ANXA8L1: variants seen among roughly 807,000 people sequenced by gnomAD.
ANXA8L1 encodes the protein annexin A8-like protein 1.
A neutral mutation model predicts 22.5 loss-of-function variants in ANXA8L1; 10 were observed. The ratio of observed to expected loss-of-function variants is 0.44; its 90% CI spans 0.27 to 0.75. The LOEUF (loss-of-function observed/expected upper bound fraction) is 0.75, where lower values mean the gene tolerates loss of function less well. Among genes scored for constraint, ANXA8L1 ranks in the 30% least tolerant of loss-of-function variants. ANXA8L1 has a pLI of 0.15. For missense variants in ANXA8L1, 88 were observed against 219.6 expected, an observed-to-expected ratio of 0.40 and a Z score of 3.79; for synonymous variants, 36 against 86.0, an observed-to-expected ratio of 0.42 and a Z score of 3.22.
Position 46,375,810 on chromosome 10 carries a change from T to A in ANXA8L1, c.-42T>A. ...GAGTCCCAGCAGAGGCCAACCTGTG[T>A]CTCTTCATCTCCGTGAGAAAGGTGC... On this transcript the variant is annotated 5_prime_UTR_variant, in exon 1 of 12. Transcript: ENST00000619162. 6.2e-7 allele frequency: 1 copy of A among 1,608,856 alleles called. No individual in the cohort carries two copies. Among genetic ancestry groups the A allele is most frequent in the Non-Finnish European group, 8.5e-7 (1 of 1,179,052 alleles).
intron 1 of ANXA8L1, among the ~76,000 whole-genome samples, chr10:46,376,666 A>G (rs75679685): frequency 1.5e-5 from 2 of 131,766 alleles, no homozygotes; most frequent in African/African-American, 2.9e-5. Flanking sequence ...CTTTCTGTCT[A>G]TGGTTGAGCC....
intron 3 of ANXA8L1, chr10:46,381,729 GC>G (rs1839984634): frequency 2.5e-5 from 1 of 39,234 alleles, no homozygotes; most frequent in Non-Finnish European, 4.5e-5. Flanking sequence ...AATTCTAAGA[GC>G]CTGGAGTAAG....
chr10:46,377,914 G>A (rs1476216065), intron 1 of ANXA8L1, among the ~76,000 whole-genome samples: 1 of 113,666 alleles, frequency 8.8e-6, no homozygotes, highest in Non-Finnish European at 1.8e-5. Flanking sequence ...AAATGTGCCT[G>A]TCTGGACTAG....
At position 46,381,321 on chromosome 10, in the gene ANXA8L1, C is replaced by A; in HGVS notation, c.207+81C>A. ...GCCTGGGAGGCAGCTCCATTCTGGA[C>A]GACTTTCCCCTAGAGCCAGCCCACT... On this transcript the variant is annotated intron_variant, in intron 3 of 11. Coordinates refer to ENST00000619162, the MANE Select transcript of ANXA8L1 (RefSeq NM_001098845.3). 3.7e-6 allele frequency: 3 copies of A among 806,112 alleles called. 1 individual carries two copies. The highest frequency in any genetic ancestry group is 5.4e-6 in the Non-Finnish European group (3 of 552,480). 49.9% of individuals were successfully genotyped at this position (806,112 alleles called of 1,614,324 possible).
Position 46,375,796 on chromosome 10 carries a change from G to C in ANXA8L1, c.-56G>C, listed in dbSNP as rs1839920359. 6.2e-7 allele frequency: 1 copy of C among 1,608,836 alleles called. No individual in the cohort carries two copies. The highest frequency in any genetic ancestry group is 1.7e-5 in the Admixed American group (1 of 59,594). ...GAGCCAGACGTGTGGAGTCCCAGCA[G>C]AGGCCAACCTGTGTCTCTTCATCTC... On this transcript the variant is annotated 5_prime_UTR_variant, in exon 1 of 12. Transcript: ENST00000619162.
In ANXA8L1 at chr10:46,384,825, G is replaced by C. The variant is rs1226568471; in HGVS notation, c.544G>C (p.Asp182His). ...TGTGGACCCGGCACTGGCCCTCCAA[G>C]ACGCACAGGTGAGGCTGCGCCCAGC... ...SFVDPALALQDAQDLYAAGEK... is the reference protein window; with the variant it reads ...SFVDPALALQHAQDLYAAGEK... The change falls in exon 7 of 12, where the codon GAC (aspartate) becomes CAC (histidine). Residue 182 changes from aspartate to histidine, a missense_variant. Transcript: ENST00000619162. 1 of 1,612,968 alleles carries C rather than the reference G, an allele frequency of 6.2e-7. No homozygotes were observed. Among genetic ancestry groups the C allele is most frequent in the African/African-American group, 1.3e-5 (1 of 74,206 alleles).
intron 1 of ANXA8L1, chr10:46,376,075 T>C: frequency 2.6e-6 from 2 of 768,848 alleles, no homozygotes; most frequent in East Asian, 5.3e-5. Context: ...GGATGGGACC[T>C]GGGCCGGGAG....
Position 46,382,595 on chromosome 10 carries a change from T to C in ANXA8L1, c.224T>C (p.Leu75Ser). ...AQFGKDLTET[L>S]KSELSGKFER... ...CCGCATTAGGACCTCACTGAGACCT[T>C]GAAGTCTGAGCTCAGTGGCAAGTTT... Residue 75 changes from leucine to serine, a missense_variant, in exon 4 of 12, where the codon TTG (leucine) becomes TCG (serine). Transcript: ENST00000619162. The C allele has an allele frequency of 2.3e-6, 3 of 1,286,322 alleles. 1 individual carries two copies. The highest frequency in any genetic ancestry group is 3.2e-6 in the Non-Finnish European group (3 of 947,274). 79.7% of individuals were successfully genotyped at this position (1,286,322 alleles called of 1,614,324 possible).
intron 1 of ANXA8L1, among the ~76,000 whole-genome samples, chr10:46,377,777 C>A (rs1839946575): frequency 1.7e-5 from 2 of 118,590 alleles, no homozygotes; most frequent in South Asian, 4.8e-4. Flanking sequence ...ACAAACCCAT[C>A]TCCCAGGCCT....
intron 1 of ANXA8L1, among the ~76,000 whole-genome samples, chr10:46,378,914 G>A (rs1263725479): frequency 2.8e-5 from 4 of 141,184 alleles, no homozygotes; most frequent in Admixed American, 7.1e-5. Context: ...GGATGGATGG[G>A]CGGGTGCATA....
chr10:46,389,747 T>C (rs1588897653), intron 11 of ANXA8L1, among the ~76,000 whole-genome samples: 1 of 151,518 alleles, frequency 6.6e-6, no homozygotes, highest in East Asian at 1.9e-4. Flanking sequence ...CCAGGCGTAG[T>C]GGCCCACACC....
chr10:46,378,178 T>C (rs71247773), intron 1 of ANXA8L1, among the ~76,000 whole-genome samples: 1,068 of 70,384 alleles, frequency 0.015, 3 homozygotes, highest in Middle Eastern at 0.022. Flanking sequence ...CTCAGGGATG[T>C]GGTTACACAG....
intron 6 of ANXA8L1, among the ~76,000 whole-genome samples, 174 bp downstream of exon 6, chr10:46,384,459 C>A (rs1840010597): frequency 1.1e-5 from 1 of 91,048 alleles, no homozygotes; most frequent in Non-Finnish European, 2.2e-5. Flanking sequence ...ACTGCAGAGC[C>A]CCCACACTTG....
intron 11 of ANXA8L1, among the ~76,000 whole-genome samples, chr10:46,389,451 C>T (rs1840051318): frequency 6.8e-6 from 1 of 147,714 alleles, no homozygotes; most frequent in African/African-American, 2.6e-5. Flanking sequence ...TCTACAGATA[C>T]ATGAAGCCAC....
intron 7 of ANXA8L1, 72 bp downstream of exon 7, chr10:46,384,905 G>A (rs1465838480): frequency 3.1e-6 from 5 of 1,605,836 alleles, no homozygotes; most frequent in Admixed American, 1.7e-5. Flanking sequence ...TGCCCACGGG[G>A]GCTTTCTCTG....
intron 11 of ANXA8L1, among the ~76,000 whole-genome samples, chr10:46,389,977 G>C (rs1554975330): frequency 6.6e-6 from 1 of 151,474 alleles, no homozygotes; most frequent in African/African-American, 2.4e-5. Flanking sequence ...GTGAAAAGTA[G>C]ACAATAACCA....
intron 11 of ANXA8L1, among the ~76,000 whole-genome samples, chr10:46,390,233 G>A (rs1366968140): frequency 6.6e-6 from 1 of 150,466 alleles, no homozygotes; most frequent in Non-Finnish European, 1.5e-5. Flanking sequence ...GGACCACAAG[G>A]TCAGTCTCAT....
chr10:46,384,936 C>T, intron 7 of ANXA8L1, 103 bp downstream of exon 7: 2 of 1,560,592 alleles, frequency 1.3e-6, no homozygotes, highest in South Asian at 2.2e-5. Flanking sequence ...GGGACCCACC[C>T]AGCTCAGCTC....
rs1318666908 is a variant in ANXA8L1 at position 46,389,501 on chromosome 10, T to C, written c.924+986T>C. 1.3e-5 allele frequency among the ~76,000 whole-genome samples: 2 copies of C among 150,692 alleles called. 1 individual carries two copies. Among genetic ancestry groups the C allele is most frequent in the African/African-American group, 4.9e-5 (2 of 40,430 alleles). On this transcript the variant is annotated intron_variant, in intron 11 of 11. Coordinates refer to ENST00000619162, the MANE Select transcript of ANXA8L1 (RefSeq NM_001098845.3). ...ATCTAATGTTGTTACTTAAGAAAAT[T>C]GAGTTAGAATCATGAATACATTGAC... is the stretch of plus-strand genomic sequence containing the variant.
Sources: allele counts gnomAD v4.1 joint callset (sites outside exome capture counted in the v4.1 genomes callset), GRCh38; gene constraint gnomAD v4.1.1; transcripts MANE v1.5; gene names NCBI Gene and HGNC (gene_info 2026-07-23, HGNC 2026-07-21).